The following TNIK variants were observed in gnomAD, a reference collection of about 807,000 sequenced individuals.
The protein encoded by TNIK is TRAF2 and NCK-interacting protein kinase.
A neutral mutation model predicts 191.3 loss-of-function variants in TNIK; 49 were observed. The observed-to-expected ratio is 0.26, with a 90% confidence interval of 0.20 to 0.32. The LOEUF is 0.32. TNIK is among the 10% of genes least tolerant of loss of function. The probability of loss-of-function intolerance (pLI) is 1.00; values close to 1 mark genes in which losing one functional copy is unlikely to be tolerated. For missense variants in TNIK, 1,155 were observed against 1,702.3 expected (o/e 0.68, Z 5.66); for synonymous variants, 594 against 600.9 (o/e 0.99, Z 0.17).
intron 1 of TNIK, among the ~76,000 whole-genome samples, chr3:171,416,818 G>A (rs1264594292): frequency 1.3e-5 from 2 of 152,006 alleles, no homozygotes; most frequent in Non-Finnish European, 2.9e-5. Flanking sequence ...TGTCCTTTAC[G>A]CTTCTATTAT....
In TNIK at chr3:171,084,151, A is replaced by T; in HGVS notation, c.3169+4T>A. 1 of 1,576,880 alleles carries T rather than the reference A, an allele frequency of 6.3e-7. No homozygotes were observed. Among genetic ancestry groups the T allele is most frequent in the Non-Finnish European group, 8.6e-7 (1 of 1,165,006 alleles). Reference sequence around the variant, plus strand: ...AAAAAAAAAAAAAAAAAGCACCAACATACCCCACAGAGCTGCACAAAGTAT... The same window carrying T: ...AAAAAAAAAAAAAAAAAGCACCAACTTACCCCACAGAGCTGCACAAAGTAT... On this transcript the variant is annotated splice_donor_region_variant and intron_variant, in intron 26 of 32. Transcript: ENST00000436636.
chr3:171,254,727 T>C (rs1746636776), intron 2 of TNIK, among the ~76,000 whole-genome samples: 2 of 152,184 alleles, frequency 1.3e-5, no homozygotes, highest in Admixed American at 6.5e-5. Flanking sequence ...GAAATCCTAG[T>C]AGTACAGCAT....
chr3:171,088,474 C>A (rs1230522175), intron 23 of TNIK, among the ~76,000 whole-genome samples: 1 of 152,170 alleles, frequency 6.6e-6, no homozygotes, highest in Non-Finnish European at 1.5e-5. Flanking sequence ...ACCTTGTGAT[C>A]CACCCACCTT....
At chr3:171,148,263 AC>A (rs1284148078) in intron 12 of TNIK, among the ~76,000 whole-genome samples, 1 of 152,234 alleles carries the variant, frequency 6.6e-6, no homozygotes, top group African/African-American at 2.4e-5. Context: ...CTTTGCGGAC[AC>A]TGAAAGAGGC....
chr3:171,118,425 T>C (rs538514821), intron 18 of TNIK, among the ~76,000 whole-genome samples: 102 of 152,284 alleles, frequency 6.7e-4, no homozygotes, highest in African/African-American at 2.1e-3. Context: ...CTTCACAGAA[T>C]TGGAAAAAAC....
At chr3:171,210,764 T>C (rs1456276620) in intron 4 of TNIK, among the ~76,000 whole-genome samples, 1 of 146,826 alleles carries the variant, frequency 6.8e-6, no homozygotes, top group African/African-American at 2.5e-5. Flanking sequence ...AATACCTAAC[T>C]CAAAGAAGCA....
chr3:171,118,458 C>T (rs1727109555), intron 18 of TNIK, among the ~76,000 whole-genome samples: 1 of 152,034 alleles, frequency 6.6e-6, no homozygotes, highest in Non-Finnish European at 1.5e-5. Context: ...CATATGGAAC[C>T]AAAAAAGAGC....
At chr3:171,107,998 ACTACTTAATCCTGTGGGTTC>A in intron 20 of TNIK, 47 bp downstream of exon 20, 1 of 1,501,650 alleles carries the variant, frequency 6.7e-7, no homozygotes, top group Non-Finnish European at 9.0e-7. Flanking sequence ...TGTATCCCCA[ACTACTTAATCCTGTGGGTTC>A]TCTGGTAAAT....
chr3:171,415,569 A>T (rs961062007), intron 1 of TNIK, among the ~76,000 whole-genome samples: 2 of 152,214 alleles, frequency 1.3e-5, no homozygotes, highest in African/African-American at 4.8e-5. Flanking sequence ...TGCACAAAAA[A>T]AATTAGTGCA....
intron 1 of TNIK, among the ~76,000 whole-genome samples, chr3:171,435,136 G>C (rs1320097434): frequency 6.6e-6 from 1 of 152,166 alleles, no homozygotes; most frequent in African/African-American, 2.4e-5. Flanking sequence ...ACAGTCTTTA[G>C]ATAATATCCA....
chr3:171,280,035 T>C (rs1022395866), intron 2 of TNIK, among the ~76,000 whole-genome samples: 2 of 152,198 alleles, frequency 1.3e-5, no homozygotes, highest in African/African-American at 4.8e-5. Flanking sequence ...TGAGCTAACT[T>C]GAATACAATT....
intron 1 of TNIK, among the ~76,000 whole-genome samples, chr3:171,411,211 G>T (rs1173308470): frequency 6.6e-6 from 1 of 152,046 alleles, no homozygotes; most frequent in Non-Finnish European, 1.5e-5. Flanking sequence ...GGGACTACAG[G>T]CATATACCAT....
chr3:171,157,717 A>ACCAAGGGGCCATGGCTC, intron 11 of TNIK, 53 bp from the exon 12 acceptor site: 1 of 1,532,380 alleles, frequency 6.5e-7, no homozygotes, highest in African/African-American at 1.4e-5. Context: ...GGCCATGGCT[A>ACCAAGGGGCCATGGCTC]CCAAGAGGCC....
intron 7 of TNIK, among the ~76,000 whole-genome samples, chr3:171,183,350 T>G (rs1182629558): frequency 6.6e-6 from 1 of 152,178 alleles, no homozygotes; most frequent in African/African-American, 2.4e-5. Context: ...AGTCCACAGT[T>G]GACAGACAAT....
intron 2 of TNIK, among the ~76,000 whole-genome samples, chr3:171,347,422 A>ACACACACACAC (rs1416554886): frequency 1.6e-5 from 2 of 121,882 alleles, no homozygotes; most frequent in African/African-American, 5.8e-5. Context: ...CACACACACA[A>ACACACACACAC]GTAAAGAGAA....
chr3:171,368,640 A>G (rs1716068764), intron 2 of TNIK, among the ~76,000 whole-genome samples: 1 of 152,198 alleles, frequency 6.6e-6, no homozygotes. Context: ...TCTCGAGAAT[A>G]CCCTATAAAT....
At chr3:171,450,015 G>C (rs1411136774) in intron 1 of TNIK, among the ~76,000 whole-genome samples, 2 of 152,082 alleles carry the variant, frequency 1.3e-5, no homozygotes, top group Admixed American at 6.5e-5. Flanking sequence ...CAGCCTGGGT[G>C]ATGAAGTGAG....
intron 9 of TNIK, among the ~76,000 whole-genome samples, chr3:171,172,180 G>A (rs976271384): frequency 6.6e-6 from 1 of 152,170 alleles, no homozygotes; most frequent in Non-Finnish European, 1.5e-5. Flanking sequence ...TTTATGCCTT[G>A]TATGTTGTAG....
chr3:171,222,504 T>C (rs1742477859), intron 3 of TNIK, among the ~76,000 whole-genome samples: 1 of 152,186 alleles, frequency 6.6e-6, no homozygotes, highest in South Asian at 2.1e-4. Context: ...AACAATATTA[T>C]GTGCATACTA....
Sources: gnomAD v4.1 joint callset for allele counts (sites outside exome capture counted in the v4.1 genomes callset) on GRCh38, gnomAD v4.1.1 for gene constraint, MANE v1.5 for transcripts, NCBI Gene and HGNC (gene_info 2026-07-23, HGNC 2026-07-21) for gene names.